The following RPAP2 variants were observed in gnomAD, a reference collection of about 807,000 sequenced individuals.
RPAP2 encodes the protein putative RNA polymerase II subunit B1 CTD phosphatase RPAP2.
A neutral mutation model predicts 73.1 loss-of-function variants in RPAP2; 52 were observed. The observed-to-expected ratio is 0.71, with a 90% CI of 0.57 to 0.90. RPAP2 has a LOEUF of 0.90. RPAP2 is among the 40% of genes least tolerant of loss of function. The pLI is 0.00. For missense variants in RPAP2, 598 were observed against 701.8 expected (o/e 0.85, Z 1.67); for synonymous variants, 225 against 242.1 (o/e 0.93, Z 0.65).
chr1:92,307,311 T>C (rs950990423), intron 6 of RPAP2, 35 bp downstream of exon 6: 1 of 1,358,858 alleles, frequency 7.4e-7, no homozygotes, highest in African/African-American at 1.5e-5. Flanking sequence ...CATTTGTTCA[T>C]ATATTCTAAT....
intron 8 of RPAP2, among the ~76,000 whole-genome samples, chr1:92,329,491 G>A (rs1004992808): frequency 1.6e-4 from 25 of 152,204 alleles, no homozygotes; most frequent in African/African-American, 5.3e-4. Context: ...CAGCTGATGA[G>A]CAGGGCTGAG....
chr1:92,324,186 C>G lies in RPAP2; in HGVS notation c.1266C>G (p.Ala422=). 6.2e-7 allele frequency: 1 copy of G among 1,614,102 alleles called. No individual in the cohort carries two copies. The highest frequency in any genetic ancestry group is 1.1e-5 in the South Asian group (1 of 91,080). The change falls in exon 8 of 13, where the codon GCC becomes GCG. Residue 422 remains alanine, a synonymous_variant. Coordinates refer to ENST00000610020, the MANE Select transcript of RPAP2 (RefSeq NM_024813.3). ...CAGATCCAGATAGTCATTTCCCTGC[C>G]TGGAGGGAATCTCAGAACAGCTTGG... ...IISDPDSHFP[A]WRESQNSLDE... is the part of the protein sequence containing the mutation.
intron 11 of RPAP2, among the ~76,000 whole-genome samples, chr1:92,349,351 A>G (rs1053726205): frequency 1.3e-5 from 2 of 152,236 alleles, no homozygotes; most frequent in African/African-American, 4.8e-5. Flanking sequence ...TGTTTAATCC[A>G]TGAAAGCTGT....
intron 11 of RPAP2, among the ~76,000 whole-genome samples, chr1:92,355,321 T>C (rs187425448): frequency 7.6e-4 from 116 of 152,310 alleles, no homozygotes; most frequent in Non-Finnish European, 8.2e-4. Flanking sequence ...CTTAACTTCA[T>C]TGACTATTGT....
At chr1:92,305,720 CAT>C (rs539452921) in intron 5 of RPAP2, among the ~76,000 whole-genome samples, 6 of 151,916 alleles carry the variant, frequency 3.9e-5, no homozygotes, top group Non-Finnish European at 8.8e-5. Flanking sequence ...GGCTAATAAA[CAT>C]ATGAAAAGAT....
At chr1:92,342,545 C>A (rs1653656229) in intron 10 of RPAP2, among the ~76,000 whole-genome samples, 1 of 152,170 alleles carries the variant, frequency 6.6e-6, no homozygotes, top group Non-Finnish European at 1.5e-5. Flanking sequence ...ATCTAACATA[C>A]ATTTTTTAAC....
chr1:92,325,047 A>C (rs1341672519), intron 8 of RPAP2, among the ~76,000 whole-genome samples: 3 of 152,212 alleles, frequency 2.0e-5, no homozygotes, highest in Non-Finnish European at 2.9e-5. Flanking sequence ...AGCATTTATC[A>C]CAGTACATGA....
At chr1:92,330,962 C>T (rs1652928442) in intron 8 of RPAP2, among the ~76,000 whole-genome samples, 1 of 152,126 alleles carries the variant, frequency 6.6e-6, no homozygotes, top group African/African-American at 2.4e-5. Context: ...AGAAGATGAG[C>T]ATGCACATTA....
chr1:92,302,513 A>T (rs1466175855), intron 3 of RPAP2, among the ~76,000 whole-genome samples: 1 of 149,630 alleles, frequency 6.7e-6, no homozygotes, highest in East Asian at 2.0e-4. Flanking sequence ...AATTTCATCA[A>T]TTTTCTTATT....
At chr1:92,329,387 C>A (rs1652830344) in intron 8 of RPAP2, among the ~76,000 whole-genome samples, 1 of 152,138 alleles carries the variant, frequency 6.6e-6, no homozygotes, top group African/African-American at 2.4e-5. Flanking sequence ...AGCTGGCAAC[C>A]ACAGGCCTCA....
At chr1:92,299,978 A>T (rs1380697890) in intron 1 of RPAP2, among the ~76,000 whole-genome samples, 2 of 152,196 alleles carry the variant, frequency 1.3e-5, no homozygotes, top group African/African-American at 4.8e-5. Context: ...GGTACAGCCT[A>T]CTTACACACT....
intron 6 of RPAP2, among the ~76,000 whole-genome samples, chr1:92,317,105 G>A (rs985460120): frequency 1.3e-5 from 2 of 152,134 alleles, no homozygotes; most frequent in Non-Finnish European, 2.9e-5. Flanking sequence ...AGAGGCAACA[G>A]GATATAGAAA....
chr1:92,346,127 A>T (rs1215091783), intron 11 of RPAP2, among the ~76,000 whole-genome samples: 1 of 150,746 alleles, frequency 6.6e-6, no homozygotes, highest in Non-Finnish European at 1.5e-5. Flanking sequence ...TCTTCTGAAT[A>T]CCTTATTCTT....
chr1:92,373,354 T>G (rs1655232026), intron 11 of RPAP2, among the ~76,000 whole-genome samples: 1 of 152,126 alleles, frequency 6.6e-6, no homozygotes, highest in South Asian at 2.1e-4. Context: ...TTAGCCAGTA[T>G]GATTGGAATA....
Position 92,316,734 on chromosome 1 carries a change from C to G in RPAP2, c.489-3865C>G, listed in dbSNP as rs561193086. Reference sequence around the variant, plus strand: ...TTAGCTGGAAGAGAAATGGCACTTTCTCTTCAAACGAAAGAAATTTGGATT... The same window carrying G: ...TTAGCTGGAAGAGAAATGGCACTTTGTCTTCAAACGAAAGAAATTTGGATT... On this transcript the variant is annotated intron_variant, in intron 6 of 12. Coordinates refer to ENST00000610020, the MANE Select transcript of RPAP2 (RefSeq NM_024813.3). 2.2e-4 allele frequency among the ~76,000 whole-genome samples: 33 copies of G among 152,256 alleles called. No individual in the cohort carries two copies. The East Asian group carries it at 4.8e-3, about 22-fold the overall frequency.
At chr1:92,374,067 T>C (rs775745670) in intron 11 of RPAP2, among the ~76,000 whole-genome samples, 3 of 152,238 alleles carry the variant, frequency 2.0e-5, no homozygotes, top group East Asian at 1.9e-4. Context: ...CTATGGAATA[T>C]GTAAATAAAT....
intron 11 of RPAP2, among the ~76,000 whole-genome samples, chr1:92,351,034 C>CG (rs1654175762): frequency 6.6e-6 from 1 of 151,858 alleles, no homozygotes; most frequent in Non-Finnish European, 1.5e-5. Context: ...GGACAGTAGG[C>CG]GGGGTGCAGT....
rs1656318588 is a variant in RPAP2 at position 92,401,577 on chromosome 1, G to A, written c.*14566G>A. 6.6e-6 allele frequency: 1 copy of A among 152,150 alleles called. No homozygotes were observed. Among genetic ancestry groups the A allele is most frequent in the South Asian group, 2.1e-4 (1 of 4,834 alleles). The allele number at this position is 152,150 out of a possible 1,614,324, so 9.4% of individuals were successfully genotyped here. On this transcript the variant is annotated 3_prime_UTR_variant, in exon 13 of 13. Transcript: ENST00000610020. The stretch of plus-strand genomic sequence containing the variant: ...TTCAGAACAATACTGGATATAAGTG[G>A]TGAAAGCACATATCCTCCCCTTGTT...
rs1202528088 is a variant in RPAP2, at chr1:92,305,450, A to AAAAAAAAAAAAAAAAAAAAC, written c.399+1102_399+1103insAAAAAAAAAAAAAAAAAACA. 4.9e-5 allele frequency among the ~76,000 whole-genome samples: 7 copies of AAAAAAAAAAAAAAAAAAAAC among 141,910 alleles called. 2 individuals carry two copies. Among genetic ancestry groups the AAAAAAAAAAAAAAAAAAAAC allele is most frequent in the African/African-American group, 2.1e-4 (7 of 33,836 alleles). 93.1% of individuals were successfully genotyped at this position (141,910 alleles called of 152,430 possible). ...TCCGTCTCAAAAAAAAAAAAAAAAA[A>AAAAAAAAAAAAAAAAAAAAC]AGACAATATGGGAAGATATAAACTT... On this transcript the variant is annotated intron_variant, in intron 5 of 12. Coordinates refer to ENST00000610020, the MANE Select transcript of RPAP2 (RefSeq NM_024813.3).
Sources: allele counts gnomAD v4.1 joint callset (sites outside exome capture counted in the v4.1 genomes callset), GRCh38; gene constraint gnomAD v4.1.1; transcripts MANE v1.5; gene names NCBI Gene and HGNC (gene_info 2026-07-23, HGNC 2026-07-21).